The following CCM2L variants were observed in gnomAD, a reference collection of about 807,000 sequenced individuals.
CCM2L encodes cerebral cavernous malformations 2 protein-like.
A neutral mutation model predicts 54.1 loss-of-function variants in CCM2L; 36 were observed. The ratio of observed to expected loss-of-function variants is 0.67; its 90% CI spans 0.51 to 0.88. CCM2L has a LOEUF of 0.88. Ranked by LOEUF, CCM2L falls within the 40% of genes least tolerant of loss-of-function variation. CCM2L has a pLI of 0.00. For missense variants in CCM2L, 700 were observed against 812.1 expected, an observed-to-expected ratio of 0.86 and a Z score of 1.68; for synonymous variants, 351 against 359.3, an observed-to-expected ratio of 0.98 and a Z score of 0.26.
At chr20:32,029,895 T>A (rs2064905002) in intron 9 of CCM2L, 57 bp downstream of exon 9, 1 of 1,480,172 alleles carries the variant, frequency 6.8e-7, no homozygotes, top group Admixed American at 2.3e-5. Flanking sequence ...GTCCATGCCA[T>A]CCCAGTCAGG....
intron 7 of CCM2L, 58 bp from the exon 8 acceptor site, chr20:32,028,937 G>T (rs1432209145): frequency 3.1e-6 from 5 of 1,606,850 alleles, no homozygotes; most frequent in Non-Finnish European, 4.3e-6. Flanking sequence ...CCTTCAGCCT[G>T]CCTGAGGGCC....
chr20:32,022,832 A>G (rs1184273977), intron 6 of CCM2L, 37 bp downstream of exon 6: 3 of 1,607,458 alleles, frequency 1.9e-6, no homozygotes, highest in East Asian at 4.5e-5. Flanking sequence ...CTCCTGTGAA[A>G]CATCCCAAAA....
At chr20:32,023,887 C>A (rs574881916) in intron 6 of CCM2L, among the ~76,000 whole-genome samples, 1 of 152,278 alleles carries the variant, frequency 6.6e-6, no homozygotes, top group East Asian at 1.9e-4. Flanking sequence ...TGCGCCACTA[C>A]GCCCAGCTAA....
At chr20:32,020,928 T>C (rs998321546) in intron 5 of CCM2L, among the ~76,000 whole-genome samples, 1 of 152,102 alleles carries the variant, frequency 6.6e-6, no homozygotes, top group East Asian at 1.9e-4. Context: ...ACCGCACCAC[T>C]GCACTCCAGC....
chr20:32,019,024 C>A lies in CCM2L; in HGVS notation c.548C>A (p.Ala183Glu), dbSNP rs1329939837. The change falls in exon 5 of 10, where the codon GCG (alanine) becomes GAG (glutamate). Residue 183 changes from alanine to glutamate, a missense_variant. Coordinates refer to ENST00000452892, the MANE Select transcript of CCM2L (RefSeq NM_001365692.1). The part of the protein sequence containing the change: ...AGRDPGPPGG[A>E]PEKRRVGTAE... ...CGCGACCCCGGCCCGCCAGGCGGGG[C>A]GCCCGAGAAGCGGCGGGTGGGCACC... is the stretch of plus-strand genomic sequence containing the variant. The A allele has an allele frequency of 8.3e-5, 110 of 1,327,516 alleles. 1 individual carries two copies. Among genetic ancestry groups the A allele is most frequent in the Non-Finnish European group, 9.9e-5 (104 of 1,047,512 alleles). 82.2% of individuals were successfully genotyped at this position (1,327,516 alleles called of 1,614,324 possible). A position where few individuals can be genotyped will look rare whatever the true frequency, so the allele number is the denominator to read the frequency against.
intron 5 of CCM2L, among the ~76,000 whole-genome samples, chr20:32,020,803 G>A (rs2064798890): frequency 6.6e-6 from 1 of 152,114 alleles, no homozygotes; most frequent in African/African-American, 2.4e-5. Context: ...TGGCCAACAT[G>A]GTGAAACCCG....
In CCM2L at chr20:32,018,110, C is replaced by G; in HGVS notation, c.414C>G (p.Ala138=). 6.2e-7 allele frequency: 1 copy of G among 1,610,440 alleles called. No individual in the cohort carries two copies. Among genetic ancestry groups the G allele is most frequent in the East Asian group, 2.2e-5 (1 of 44,738 alleles). The change falls in exon 4 of 10, where the codon GCC becomes GCG. Residue 138 remains alanine, a synonymous_variant. Coordinates refer to ENST00000452892, the MANE Select transcript of CCM2L (RefSeq NM_001365692.1). ...LILRIPTHEI[A]AASYLQDDAL... ...TGCGAATCCCTACGCACGAGATCGC[C>G]GCCGCCTCCTACCTGCAGGACGACG...
rs2064919869 is a variant in CCM2L, at chr20:32,031,102, C to T, written c.1504C>T (p.Arg502Cys). The change falls in exon 10 of 10, where the codon CGC becomes TGC. Residue 502 changes from arginine (R) to cysteine (C), a missense_variant. Transcript: ENST00000452892. Reference protein sequence around the residue: ...EGGILTDSFGRIKRSMSSTSA... With the variant: ...EGGILTDSFGCIKRSMSSTSA... ...CGGCATCCTCACTGACAGCTTCGGC[C>T]GCATCAAGCGCAGCATGAGCTCCAC... 3 of 1,304,244 alleles carry T rather than the reference C, an allele frequency of 2.3e-6. No individual in the cohort carries two copies. Among genetic ancestry groups the T allele is most frequent in the Non-Finnish European group, 3.0e-6 (3 of 988,946 alleles). The allele number at this position is 1,304,244 out of a possible 1,614,324, so 80.8% of individuals were successfully genotyped here. A position where few individuals can be genotyped will look rare whatever the true frequency, so the allele number is the denominator to read the frequency against.
intron 4 of CCM2L, among the ~76,000 whole-genome samples, chr20:32,018,725 C>CA (rs970322554): frequency 1.1e-4 from 12 of 106,770 alleles, no homozygotes; most frequent in African/African-American, 4.4e-4. Context: ...GCCACCTGGC[C>CA]AGACCACCGA....
At chr20:32,029,549 AG>A in intron 8 of CCM2L, 150 bp from the exon 9 acceptor site, 1 of 991,210 alleles carries the variant, frequency 1.0e-6, no homozygotes, top group Non-Finnish European at 1.4e-6. Context: ...ATGCAGCCTA[AG>A]GGATCTAGAT....
rs1356547155 is a variant in CCM2L, at chr20:32,031,423, G to C, written c.*109G>C. Reference sequence around the variant, plus strand: ...CCATCACACCTGGCGGGGCCGGGGGGTCTTCACTCCAGGGTCTCGCTCCCT... The same window carrying C: ...CCATCACACCTGGCGGGGCCGGGGGCTCTTCACTCCAGGGTCTCGCTCCCT... On this transcript the variant is annotated 3_prime_UTR_variant, in exon 10 of 10. Transcript: ENST00000452892. 2 of 939,422 alleles carry C rather than the reference G, an allele frequency of 2.1e-6. No homozygotes were observed. Among genetic ancestry groups the C allele is most frequent in the African/African-American group, 1.7e-5 (1 of 57,422 alleles). 58.2% of individuals were successfully genotyped at this position (939,422 alleles called of 1,614,324 possible).
Position 32,029,708 on chromosome 20 carries a change from T to C in CCM2L, c.1272T>C (p.Ser424=), listed in dbSNP as rs754525891. 25 of 1,608,768 alleles carry C rather than the reference T, an allele frequency of 1.6e-5. No homozygotes were observed. Residue 424 remains serine (S), a synonymous_variant, in exon 9 of 10, where the codon AGT becomes AGC. Transcript: ENST00000452892. ...QLQDYMVTLR[S]KLGPLEIQQF... ...TGGTGTCCCCCACATAGTTGCGGAG[T>C]AAGCTGGGGCCCCTCGAGATCCAGC... is the stretch of plus-strand genomic sequence containing the variant.
intron 6 of CCM2L, among the ~76,000 whole-genome samples, chr20:32,025,449 G>A (rs763658595): frequency 1.3e-5 from 2 of 151,920 alleles, no homozygotes; most frequent in Non-Finnish European, 2.9e-5. Context: ...TTTTGTTATT[G>A]TAGAAATAAG....
In CCM2L at chr20:32,019,396, C is replaced by A; in HGVS notation, c.920C>A (p.Ala307Asp). 6.5e-7 allele frequency: 1 copy of A among 1,529,996 alleles called. No homozygotes were observed. Among genetic ancestry groups the A allele is most frequent in the South Asian group, 1.2e-5 (1 of 84,170 alleles). 94.8% of individuals were successfully genotyped at this position (1,529,996 alleles called of 1,614,324 possible). A position where few individuals can be genotyped will look rare whatever the true frequency, so the allele number is the denominator to read the frequency against. ...GCCTACTGCAACCTGGTCATCCTGG[C>A]TGTAGCCAACAGGGTGAGCCCGAGG... ...PDAYCNLVIL[A>D]VANRDAAEES... is the part of the protein sequence containing the mutation. The change falls in exon 5 of 10, where the codon GCT becomes GAT. Residue 307 changes from alanine (A) to aspartate (D), a missense_variant. By Grantham distance (126) the Ala-to-Asp change is moderately radical (BLOSUM62 -2). Transcript: ENST00000452892.
chr20:32,023,133 A>AT (rs375096250), intron 6 of CCM2L, among the ~76,000 whole-genome samples: 109 of 148,526 alleles, frequency 7.3e-4, no homozygotes, highest in Middle Eastern at 3.4e-3. Flanking sequence ...CACCCAGCTA[A>AT]TTTTTTTTTT....
At position 32,014,931 on chromosome 20, in the gene CCM2L, G is replaced by A; in HGVS notation, c.58G>A (p.Val20Met). Residue 20 changes from valine to methionine, a missense_variant, in exon 2 of 10, where the codon GTG becomes ATG. Val to Met is a conservative substitution (Grantham distance 21, BLOSUM62 1). Coordinates refer to ENST00000452892, the MANE Select transcript of CCM2L (RefSeq NM_001365692.1). ...KGFVSPIRRL[V>M]FPKAGRRAAC... Reference sequence around the variant, plus strand: ...CTTTGTATCCCCCATCCGAAGGCTGGTGTTCCCCAAGGCCGGGCGCCGGGC... The same window carrying A: ...CTTTGTATCCCCCATCCGAAGGCTGATGTTCCCCAAGGCCGGGCGCCGGGC... 3.7e-6 allele frequency: 6 copies of A among 1,601,126 alleles called. No homozygotes were observed. The highest frequency in any genetic ancestry group is 5.1e-6 in the Non-Finnish European group (6 of 1,173,858).
In CCM2L at chr20:32,025,866, C is replaced by T; in HGVS notation, c.1080C>T (p.Cys360=). 2 of 1,304,018 alleles carry T rather than the reference C, an allele frequency of 1.5e-6. No individual in the cohort carries two copies. Among genetic ancestry groups the T allele is most frequent in the Non-Finnish European group, 1.0e-6 (1 of 988,936 alleles). 80.8% of individuals were successfully genotyped at this position (1,304,018 alleles called of 1,614,324 possible). ...RPWLCSRSES[C]HTDGTYAYDA... ...GTCTGCTGGTCCCAGGTGAGAGCTG[C>T]CACACAGATGGGACGTATGCCTATG... is the stretch of plus-strand genomic sequence containing the variant. Residue 360 remains cysteine (C), a synonymous_variant, in exon 7 of 10, where the codon TGC becomes TGT. Transcript: ENST00000452892.
At chr20:32,015,862 T>C (rs1038319730) in intron 2 of CCM2L, among the ~76,000 whole-genome samples, 1 of 148,032 alleles carries the variant, frequency 6.8e-6, no homozygotes, top group Non-Finnish European at 1.5e-5. Flanking sequence ...TGTACTTCTT[T>C]TTTTTTTTTT....
At chr20:32,020,600 C>T (rs776711860) in intron 5 of CCM2L, among the ~76,000 whole-genome samples, 1 of 152,244 alleles carries the variant, frequency 6.6e-6, no homozygotes, top group Non-Finnish European at 1.5e-5. Flanking sequence ...TGTGTCCTTA[C>T]ATTGGTCAGG....
Sources: gnomAD v4.1 joint callset for allele counts (sites outside exome capture counted in the v4.1 genomes callset) on GRCh38, gnomAD v4.1.1 for gene constraint, MANE v1.5 for transcripts, NCBI Gene and HGNC (gene_info 2026-07-23, HGNC 2026-07-21) for gene names.